Variants in SLC43A3 observed in about 807,000 individuals in gnomAD.
The protein encoded by SLC43A3 is equilibrative nucleobase transporter 1.
SLC43A3 carries 33 observed loss-of-function variants against 53.3 expected under a neutral mutation model. The observed-to-expected ratio is 0.62, with a 90% CI of 0.47 to 0.83. The LOEUF is 0.83. Among genes scored for constraint, SLC43A3 ranks in the 40% least tolerant of loss-of-function variants. The probability of loss-of-function intolerance (pLI) is 0.00; values close to 1 mark genes in which losing one functional copy is unlikely to be tolerated. For missense variants in SLC43A3, 530 were observed against 610.0 expected (o/e 0.87, Z 1.38); for synonymous variants, 236 against 246.2 (o/e 0.96, Z 0.39).
In SLC43A3 at chr11:57,410,824, TC is replaced by T. The variant is rs1565094634; in HGVS notation, c.1061-704del. Among the ~76,000 whole-genome samples, 7 of 152,168 alleles carry T rather than the reference TC, an allele frequency of 4.6e-5. No individual in the cohort carries two copies. In the South Asian group the frequency reaches 1.5e-3, roughly 32 times the overall value. On this transcript the variant is annotated intron_variant, in intron 11 of 13. Transcript: ENST00000395124. Reference sequence around the variant, plus strand: ...TAACTGAATCATGGGGGCCAGTCTTTCCCACGCTATTCTTGTGATAGTGAAT... The same window carrying T: ...TAACTGAATCATGGGGGCCAGTCTTTCCACGCTATTCTTGTGATAGTGAAT...
At chr11:57,425,927 G>C in intron 3 of SLC43A3, 62 bp downstream of exon 3, 8 of 1,537,310 alleles carry the variant, frequency 5.2e-6, no homozygotes, top group Non-Finnish European at 7.1e-6. Flanking sequence ...AGTCCTTCCT[G>C]CTCCTTGCCA....
chr11:57,423,442 G>GT (rs1413197772), intron 5 of SLC43A3, among the ~76,000 whole-genome samples: 2 of 152,048 alleles, frequency 1.3e-5, no homozygotes, highest in African/African-American at 4.8e-5. Context: ...TTTTTTGTTT[G>GT]TTTTTTGGTA....
At position 57,414,602 on chromosome 11, in the gene SLC43A3, C is replaced by T. The variant is rs117212150; in HGVS notation, c.1060+13G>A. ...GGTTCCCTGACCAGCCCCTGCCCTC[C>T]CCCGCATCTCACCTGTCTTTCTTGC... is the stretch of plus-strand genomic sequence containing the variant. On this transcript the variant is annotated intron_variant, in intron 11 of 13. Transcript: ENST00000395124. 23,372 of 1,552,900 alleles carry T rather than the reference C, an allele frequency of 0.015. 309 individuals are homozygous for T. Among genetic ancestry groups the T allele is most frequent in the Middle Eastern group, 0.052 (308 of 5,966 alleles).
chr11:57,416,543 A>G (rs780897072), intron 9 of SLC43A3, 30 bp downstream of exon 9: 6 of 1,570,596 alleles, frequency 3.8e-6, no homozygotes, highest in Non-Finnish European at 5.3e-6. Flanking sequence ...TTGGGTCTGG[A>G]GGAGAGATGG....
chr11:57,416,477 C>T (rs1942727812), intron 9 of SLC43A3, 96 bp downstream of exon 9: 2 of 894,724 alleles, frequency 2.2e-6, no homozygotes, highest in Non-Finnish European at 1.8e-6. Flanking sequence ...TTTCCTGATT[C>T]TGGGTCCCTG....
chr11:57,410,086 C>T lies in SLC43A3; in HGVS notation c.1096G>A (p.Val366Met), dbSNP rs188162068. 51 of 1,609,710 alleles carry T rather than the reference C, an allele frequency of 3.2e-5. No individual in the cohort carries two copies. In the East Asian group the frequency reaches 1.1e-3, roughly 36 times the overall value. Reference sequence around the variant, plus strand: ...AGGGATGTCAGGGCCAGCGAAGGCACCGTCGAGCAGAGGGCCACCGCCAAA... The same window carrying T: ...AGGGATGTCAGGGCCAGCGAAGGCATCGTCGAGCAGAGGGCCACCGCCAAA... ...STLAVALCST[V>M]PSLALTSLLC... Residue 366 changes from valine to methionine, a missense_variant, in exon 12 of 14, where the codon GTG becomes ATG. Physicochemically the swap from Val to Met is conservative, Grantham distance 21. Around this residue, in one of 3 missense-constraint regions of SLC43A3, gnomAD observed 124 missense variants for 166.4 expected, o/e 0.75. Coordinates refer to ENST00000395124, the MANE Select transcript of SLC43A3 (RefSeq NM_199329.3).
Position 57,426,139 on chromosome 11 carries a change from T to C in SLC43A3, c.34A>G (p.Thr12Ala). ...AGQGLPLHVA[T>A]LLTGLLECLG... The stretch of plus-strand genomic sequence containing the variant: ...CATTCCAGCAGCCCAGTCAGCAGTG[T>C]GGCCACGTGCAGGGGCAGGCCCTGG... Residue 12 changes from threonine (T) to alanine (A), a missense_variant, in exon 3 of 14, where the codon ACA (threonine) becomes GCA (alanine). Transcript: ENST00000395124. 1.9e-6 allele frequency: 3 copies of C among 1,614,194 alleles called. 1 individual carries two copies. In the South Asian group the frequency reaches 3.3e-5, roughly 18 times the overall value.
intron 9 of SLC43A3, among the ~76,000 whole-genome samples, chr11:57,415,899 T>C (rs1385339073): frequency 6.6e-6 from 1 of 152,234 alleles, no homozygotes; most frequent in Non-Finnish European, 1.5e-5. Flanking sequence ...AGATGGTTAC[T>C]ACAGTTAAGC....
rs527797822 is a variant in SLC43A3, at chr11:57,425,542, T to A, written c.313A>T (p.Ile105Leu). Reference sequence around the variant, plus strand: ...CCTGGGCTGGCCTTTGGGACTTACATGGCTATGAGGCGTGCCACGGTGGTC... The same window carrying A: ...CCTGGGCTGGCCTTTGGGACTTACAAGGCTATGAGGCGTGCCACGGTGGTC... The part of the protein sequence containing the change: ...FKTTVARLIA[I>L]FFYTTATLII... Residue 105 changes from isoleucine to leucine, a missense_variant and splice_region_variant, in exon 4 of 14, where the codon ATA (isoleucine) becomes TTA (leucine). Ile to Leu is a conservative substitution (Grantham distance 5). Coordinates refer to ENST00000395124, the MANE Select transcript of SLC43A3 (RefSeq NM_199329.3). The A allele has an allele frequency of 6.2e-7, 1 of 1,612,964 alleles. No homozygotes were observed. Among genetic ancestry groups the A allele is most frequent in the Non-Finnish European group, 8.5e-7 (1 of 1,179,426 alleles).
intron 12 of SLC43A3, 78 bp from the exon 13 acceptor site, chr11:57,409,376 G>A (rs1942347197): frequency 1.7e-5 from 26 of 1,556,362 alleles, no homozygotes; most frequent in Admixed American, 8.6e-5. Context: ...TCTGGGGGCT[G>A]TCGGCCGCTT....
At chr11:57,410,265 T>C in intron 11 of SLC43A3, 144 bp from the exon 12 acceptor site, 1 of 624,406 alleles carries the variant, frequency 1.6e-6, no homozygotes, top group South Asian at 2.5e-5. Context: ...CTCGAATCCT[T>C]TCCCCACATG....
intron 9 of SLC43A3, among the ~76,000 whole-genome samples, chr11:57,415,579 C>A (rs1008178135): frequency 6.6e-6 from 1 of 152,068 alleles, no homozygotes; most frequent in Non-Finnish European, 1.5e-5. Context: ...CCAGATGGGA[C>A]CATGAATTCA....
At chr11:57,425,029 C>T (rs956389337) in intron 4 of SLC43A3, among the ~76,000 whole-genome samples, 6 of 152,082 alleles carry the variant, frequency 3.9e-5, no homozygotes, top group Non-Finnish European at 5.9e-5. Context: ...CCTGAAATTC[C>T]ACCAGTGGCA....
rs62623667 is a variant in SLC43A3 at position 57,421,373 on chromosome 11, C to G, written c.362G>C (p.Gly121Ala). Residue 121 changes from glycine (G) to alanine (A), a missense_variant and splice_region_variant, in exon 6 of 14, where the codon GGC becomes GCC. Physicochemically the swap from Gly to Ala is moderately conservative, Grantham distance 60. Around this residue, in one of 3 missense-constraint regions of SLC43A3, gnomAD observed 376 missense variants for 386.7 expected, o/e 0.97. Coordinates refer to ENST00000395124, the MANE Select transcript of SLC43A3 (RefSeq NM_199329.3). ...GGCCAGGAAGAGCAGCACGGCTGAGCCTGGACCATCAAAGTCAGAGGTAGG... is the reference window on the plus strand; with the variant it reads ...GGCCAGGAAGAGCAGCACGGCTGAGGCTGGACCATCAAAGTCAGAGGTAGG... ...ATLIIAFTSA[G>A]SAVLLFLAMP... 3,021 of 1,613,324 alleles carry G rather than the reference C, an allele frequency of 1.9e-3. 59 individuals carry two copies. The African/African-American group carries it at 0.033, about 18-fold the overall frequency.
chr11:57,419,691 G>GAGGCTGAGGC (rs1351173644), intron 7 of SLC43A3, among the ~76,000 whole-genome samples: 1 of 151,958 alleles, frequency 6.6e-6, no homozygotes, highest in Non-Finnish European at 1.5e-5. Flanking sequence ...AGCTACTCAG[G>GAGGCTGAGGC]AGGCTGAGGC....
rs768402677 is a variant in SLC43A3 at position 57,415,095 on chromosome 11, C to A, written c.781G>T (p.Ala261Ser). 87 of 1,609,562 alleles carry A rather than the reference C, an allele frequency of 5.4e-5. No homozygotes were observed. The South Asian group carries it at 8.5e-4, about 16-fold the overall frequency. The change falls in exon 10 of 14, where the codon GCA (alanine) becomes TCA (serine). Residue 261 changes from alanine (A) to serine (S), a missense_variant. Physicochemically the swap from Ala to Ser is moderately conservative, Grantham distance 99. Transcript: ENST00000395124. ...GAGCGGAGTTCCTGCTTCTGCCCTG[C>A]CCCTGGGGTCTCTAATGGGGAGAGG... is the stretch of plus-strand genomic sequence containing the variant. The part of the protein sequence containing the change: ...FLSAKEETPG[A>S]GQKQELRSFW...
intron 3 of SLC43A3, 82 bp from the exon 4 acceptor site, chr11:57,425,752 C>G: frequency 2.5e-6 from 4 of 1,582,474 alleles, no homozygotes; most frequent in Non-Finnish European, 3.4e-6. Context: ...CCACCTCAGA[C>G]AGCTTGTCGG....
rs1942263189 is a variant in SLC43A3, at chr11:57,407,652, G to A, written c.*140C>T. ...CTTTTCTTGCTGCGCAGACGTCCTT[G>A]TGTGTCTTTATTTTGTGTGTGTGTG... On this transcript the variant is annotated 3_prime_UTR_variant, in exon 14 of 14. Coordinates refer to ENST00000395124, the MANE Select transcript of SLC43A3 (RefSeq NM_199329.3). 1.7e-5 allele frequency: 10 copies of A among 592,412 alleles called. No homozygotes were observed. Among genetic ancestry groups the A allele is most frequent in the Non-Finnish European group, 2.8e-5 (9 of 326,582 alleles). The allele number at this position is 592,412 out of a possible 1,614,324, so 36.7% of individuals were successfully genotyped here.
intron 11 of SLC43A3, 151 bp from the exon 12 acceptor site, chr11:57,410,272 C>G (rs967476010): frequency 4.9e-5 from 30 of 607,536 alleles, no homozygotes; most frequent in Non-Finnish European, 7.4e-5. Flanking sequence ...CCTTTCCCCA[C>G]ATGCCCCACC....
Sources: gnomAD v4.1 joint callset for allele counts (sites outside exome capture counted in the v4.1 genomes callset) on GRCh38, gnomAD v4.1.1 for gene constraint, gnomAD v4.1.1 regional missense constraint, MANE v1.5 for transcripts, NCBI Gene and HGNC (gene_info 2026-07-23, HGNC 2026-07-21) for gene names.